The following MYO3A variants were observed in gnomAD, a reference collection of about 807,000 sequenced individuals.
The protein encoded by MYO3A is myosin-IIIa.
MYO3A carries 180 observed loss-of-function variants against 192.7 expected under a neutral mutation model. That is an observed-to-expected ratio of 0.93 (90% CI 0.83 to 1.06). The LOEUF is 1.06. Among genes scored for constraint, MYO3A ranks in the 50% least tolerant of loss-of-function variants. The pLI is 0.00. For missense variants in MYO3A, 1,896 were observed against 1,905.0 expected (o/e 1.00, Z 0.09); for synonymous variants, 628 against 645.3 (o/e 0.97, Z 0.41).
intron 31 of MYO3A, among the ~76,000 whole-genome samples, chr10:26,177,375 C>A (rs1246326311): frequency 6.6e-6 from 1 of 152,102 alleles, no homozygotes; most frequent in Non-Finnish European, 1.5e-5. Flanking sequence ...GTTATATGGC[C>A]TTGCACACCA....
rs1454305952 is a variant in MYO3A, at chr10:26,088,188, A to G, written c.1360-15A>G. 1.3e-6 allele frequency: 2 copies of G among 1,552,910 alleles called. No homozygotes were observed. The highest frequency in any genetic ancestry group is 2.4e-5 in the South Asian group (2 of 82,686). On this transcript the variant is annotated splice_polypyrimidine_tract_variant and intron_variant, in intron 14 of 34. Coordinates refer to ENST00000642920, the MANE Select transcript of MYO3A (RefSeq NM_017433.5). ...TTTTTATGTTTTTAAAAATATCTTA[A>G]TATTTTCTATTTAGGCTAATAACAG...
intron 17 of MYO3A, among the ~76,000 whole-genome samples, chr10:26,117,847 G>T (rs933937689): frequency 1.3e-5 from 2 of 152,018 alleles, no homozygotes; most frequent in African/African-American, 4.8e-5. Flanking sequence ...TATTCTTTTG[G>T]GTATATACCC....
At chr10:26,154,710 A>G in intron 24 of MYO3A, 36 bp from the exon 25 acceptor site, 1 of 1,576,538 alleles carries the variant, frequency 6.3e-7, no homozygotes, top group African/African-American at 1.3e-5. Flanking sequence ...AGTACAATAG[A>G]TACCAAGGCA....
intron 4 of MYO3A, among the ~76,000 whole-genome samples, chr10:25,971,179 A>T (rs1838618217): frequency 6.6e-6 from 1 of 152,098 alleles, no homozygotes. Context: ...GTCTTATTTA[A>T]TGTTTCCAGT....
At chr10:26,098,657 A>G (rs1172809135) in intron 17 of MYO3A, among the ~76,000 whole-genome samples, 3 of 152,244 alleles carry the variant, frequency 2.0e-5, no homozygotes, top group Non-Finnish European at 2.9e-5. Context: ...AGCACCATTT[A>G]TTAAACAGAG....
In MYO3A at chr10:26,067,473, T is replaced by G. The variant is rs116653640; in HGVS notation, c.1053+399T>G. Among the ~76,000 whole-genome samples, 528 of 152,282 alleles carry G rather than the reference T, an allele frequency of 3.5e-3. 7 individuals are homozygous for G. Among genetic ancestry groups the G allele is most frequent in the African/African-American group, 0.012 (510 of 41,556 alleles). On this transcript the variant is annotated intron_variant, in intron 11 of 34. Transcript: ENST00000642920. ...AGCAGTCAGCCTATTGTAACCACCA[T>G]GTGGTGGCCTCCCGCTTTGTCCTCT...
At chr10:26,179,588 G>A (rs925238321) in intron 31 of MYO3A, among the ~76,000 whole-genome samples, 1 of 152,188 alleles carries the variant, frequency 6.6e-6, no homozygotes, top group Admixed American at 6.5e-5. Flanking sequence ...ACATTGTCAA[G>A]TGAGAACTTA....
chr10:26,170,384 A>G, intron 28 of MYO3A, 32 bp from the exon 29 acceptor site: 5 of 1,609,276 alleles, frequency 3.1e-6, no homozygotes, highest in Non-Finnish European at 3.4e-6. Flanking sequence ...TTTGTTTATA[A>G]TTAACACTAC....
intron 10 of MYO3A, among the ~76,000 whole-genome samples, chr10:26,044,697 T>C (rs992381465): frequency 6.6e-6 from 1 of 152,118 alleles, no homozygotes; most frequent in African/African-American, 2.4e-5. Context: ...AATATACACA[T>C]TGGCTCTTAA....
At chr10:26,076,106 T>TC (rs1374103353) in intron 14 of MYO3A, among the ~76,000 whole-genome samples, 1 of 152,102 alleles carries the variant, frequency 6.6e-6, no homozygotes, top group Non-Finnish European at 1.5e-5. Flanking sequence ...TAGTTTACAT[T>TC]CCCACCAGCA....
At chr10:26,172,255 A>C (rs1355790939) in intron 29 of MYO3A, among the ~76,000 whole-genome samples, 3 of 152,236 alleles carry the variant, frequency 2.0e-5, no homozygotes, top group African/African-American at 7.2e-5. Context: ...GTTTTCACTT[A>C]ACCATTCCCT....
At chr10:26,030,449 G>A (rs1374098836) in intron 10 of MYO3A, among the ~76,000 whole-genome samples, 2 of 152,132 alleles carry the variant, frequency 1.3e-5, no homozygotes, top group Non-Finnish European at 2.9e-5. Context: ...CAAAGGAGGA[G>A]GGAAGATTAT....
intron 22 of MYO3A, among the ~76,000 whole-genome samples, chr10:26,146,136 A>G (rs1223800206): frequency 6.6e-6 from 1 of 152,224 alleles, no homozygotes; most frequent in Non-Finnish European, 1.5e-5. Context: ...CTACATTGAC[A>G]GAAACACATT....
chr10:26,078,019 A>G (rs901783378), intron 14 of MYO3A, among the ~76,000 whole-genome samples: 3 of 151,878 alleles, frequency 2.0e-5, no homozygotes, highest in African/African-American at 7.3e-5. Flanking sequence ...TATAGAATGA[A>G]TTAGGGACAG....
chr10:26,174,392 T>G lies in MYO3A; in HGVS notation c.4128T>G (p.His1376Gln), dbSNP rs1457302467. 1 of 1,614,152 alleles carries G rather than the reference T, an allele frequency of 6.2e-7. No homozygotes were observed. Among genetic ancestry groups the G allele is most frequent in the Non-Finnish European group, 8.5e-7 (1 of 1,180,034 alleles). ...AGGACAAGATGTCTTCTTTTAAGCATCAGAGGATTGTCACAACACCAACAG... is the reference window on the plus strand; with the variant it reads ...AGGACAAGATGTCTTCTTTTAAGCAGCAGAGGATTGTCACAACACCAACAG... Reference protein sequence around the residue: ...LRKDKMSSFKHQRIVTTPTEV... With the variant: ...LRKDKMSSFKQQRIVTTPTEV... Residue 1376 changes from histidine (H) to glutamine (Q), a missense_variant, in exon 30 of 35, where the codon CAT (histidine) becomes CAG (glutamine). His to Gln is a conservative substitution (Grantham distance 24). Coordinates refer to ENST00000642920, the MANE Select transcript of MYO3A (RefSeq NM_017433.5).
intron 22 of MYO3A, among the ~76,000 whole-genome samples, chr10:26,145,971 G>A (rs935005183): frequency 6.6e-6 from 1 of 152,162 alleles, no homozygotes; most frequent in African/African-American, 2.4e-5. Flanking sequence ...CTTTGGTATA[G>A]ACTGCCTTTT....
intron 20 of MYO3A, among the ~76,000 whole-genome samples, chr10:26,137,741 C>T (rs1350293112): frequency 1.3e-5 from 2 of 152,092 alleles, no homozygotes; most frequent in Non-Finnish European, 2.9e-5. Flanking sequence ...GGAATTCATT[C>T]CTGGGGGAGG....
In MYO3A at chr10:26,066,993, G is replaced by A. The variant is rs754643597; in HGVS notation, c.972G>A (p.Thr324=). Residue 324 remains threonine, a synonymous_variant, in exon 11 of 35, where the codon ACG becomes ACA. Coordinates refer to ENST00000642920, the MANE Select transcript of MYO3A (RefSeq NM_017433.5). ...TEKARRERIH[T]KKGNFNRPLI... is the part of the protein sequence containing the mutation. Reference sequence around the variant, plus strand: ...TCCACAGACGTGAACGTATTCACACGAAGAAAGGGAACTTCAACCGACCTC... The same window carrying A: ...TCCACAGACGTGAACGTATTCACACAAAGAAAGGGAACTTCAACCGACCTC... The A allele has an allele frequency of 5.0e-6, 8 of 1,611,542 alleles. No homozygotes were observed. The highest frequency in any genetic ancestry group is 2.7e-5 in the African/African-American group (2 of 74,878).
At chr10:26,045,750 C>T (rs1401566479) in intron 10 of MYO3A, among the ~76,000 whole-genome samples, 1 of 152,166 alleles carries the variant, frequency 6.6e-6, no homozygotes, top group Non-Finnish European at 1.5e-5. Context: ...AATCTTTACC[C>T]ACCTTTCTGT....
Sources: allele counts gnomAD v4.1 joint callset (sites outside exome capture counted in the v4.1 genomes callset), GRCh38; gene constraint gnomAD v4.1.1; transcripts MANE v1.5; gene names NCBI Gene and HGNC (gene_info 2026-07-23, HGNC 2026-07-21).